The following DAB1 variants were observed in gnomAD, a reference collection of about 807,000 sequenced individuals.
The protein encoded by DAB1 is disabled homolog 1.
DAB1 carries 15 observed loss-of-function variants against 64.6 expected under a neutral mutation model. The observed-to-expected ratio is 0.23, with a 90% CI of 0.16 to 0.36. The LOEUF is 0.36. Among genes scored for constraint, DAB1 ranks in the 10% least tolerant of loss-of-function variants. DAB1 has a pLI of 1.00. For synonymous variants in DAB1, 235 were observed against 251.9 expected, an observed-to-expected ratio of 0.93 and a Z score of 0.64; for missense variants, 596 against 706.7, an observed-to-expected ratio of 0.84 and a Z score of 1.78.
At chr1:57,302,675 C>T (rs1453770829) in intron 1 of DAB1, among the ~76,000 whole-genome samples, 1 of 152,046 alleles carries the variant, frequency 6.6e-6, no homozygotes, top group Non-Finnish European at 1.5e-5. Flanking sequence ...ACAATCATAC[C>T]TTACTGCAGC....
chr1:58,439,681 G>T (rs1261134878), intron 3 of DAB1, among the ~76,000 whole-genome samples: 5 of 152,196 alleles, frequency 3.3e-5, no homozygotes, highest in Non-Finnish European at 2.9e-5. Flanking sequence ...GGCACAGAGA[G>T]ACTGAATAAT....
chr1:57,210,816 A>G (rs1006414543), intron 2 of DAB1, among the ~76,000 whole-genome samples: 1 of 152,256 alleles, frequency 6.6e-6, no homozygotes, highest in African/African-American at 2.4e-5. Flanking sequence ...AAAATTTAAA[A>G]ACGGGGCCAG....
intron 3 of DAB1, among the ~76,000 whole-genome samples, chr1:57,140,829 T>C (rs1658524029): frequency 6.6e-6 from 1 of 152,194 alleles, no homozygotes; most frequent in Admixed American, 6.5e-5. Flanking sequence ...AAGTAGGCAG[T>C]ATCTCGATGG....
chr1:57,807,653 G>T (rs12081493), intron 6 of DAB1, among the ~76,000 whole-genome samples: 10 of 151,564 alleles, frequency 6.6e-5, no homozygotes, highest in African/African-American at 2.4e-4. Flanking sequence ...CAAATTGTGT[G>T]GATCCACTTA....
Position 57,493,415 on chromosome 1 carries a change from C to T in DAB1, n.625+156177G>A, listed in dbSNP as rs3905062. On this transcript the variant is annotated intron_variant and non_coding_transcript_variant, in intron 7 of 20. Transcript: ENST00000485760. ...TTGTCCTTTTAAGTCTGGTTTACTT[C>T]ATTTATCATAATGCCTTCAAAGTTC... Among the ~76,000 whole-genome samples the T allele has an allele frequency of 9.5e-3, 1,450 of 152,248 alleles. 27 individuals are homozygous for T. The highest frequency in any genetic ancestry group is 0.033 in the African/African-American group (1,390 of 41,540).
At chr1:57,482,944 T>G (rs180676836) in intron 7 of DAB1, among the ~76,000 whole-genome samples, 2 of 152,308 alleles carry the variant, frequency 1.3e-5, no homozygotes, top group African/African-American at 4.8e-5. Context: ...GTGTAAGTGT[T>G]TTTCAGGAAG....
intron 3 of DAB1, among the ~76,000 whole-genome samples, chr1:58,449,555 T>G (rs1329400546): frequency 6.6e-6 from 1 of 152,190 alleles, no homozygotes; most frequent in Non-Finnish European, 1.5e-5. Context: ...CGTGCTCCAC[T>G]CTAGGATTGT....
intron 1 of DAB1, among the ~76,000 whole-genome samples, chr1:57,847,857 A>G (rs914079951): frequency 6.6e-6 from 1 of 152,212 alleles, no homozygotes; most frequent in Non-Finnish European, 1.5e-5. Context: ...ACTAAAAGCT[A>G]TATTAATTGA....
chr1:57,324,430 T>A (rs1197283945), intron 1 of DAB1, among the ~76,000 whole-genome samples: 2 of 152,188 alleles, frequency 1.3e-5, no homozygotes, highest in African/African-American at 4.8e-5. Flanking sequence ...TATTTTCCAA[T>A]TAGGTGAAGT....
At chr1:57,769,315 T>C (rs1649456086) in intron 6 of DAB1, among the ~76,000 whole-genome samples, 1 of 152,152 alleles carries the variant, frequency 6.6e-6, no homozygotes, top group Non-Finnish European at 1.5e-5. Flanking sequence ...CAACCACTAG[T>C]AGCCTTTCTA....
intron 5 of DAB1, among the ~76,000 whole-genome samples, chr1:58,005,065 T>A (rs114027698): frequency 0.12 from 18,600 of 152,122 alleles, 1,311 homozygotes; most frequent in East Asian, 0.22. Flanking sequence ...TGAGCTTGGG[T>A]GTCCCTCTTT....
At chr1:57,920,473 C>T (rs1298493004) in intron 5 of DAB1, among the ~76,000 whole-genome samples, 4 of 152,074 alleles carry the variant, frequency 2.6e-5, no homozygotes, top group African/African-American at 9.7e-5. Flanking sequence ...ACCACCACAC[C>T]TGACTAATGT....
At chr1:57,031,909 T>C (rs1646977067) in intron 9 of DAB1, among the ~76,000 whole-genome samples, 1 of 152,200 alleles carries the variant, frequency 6.6e-6, no homozygotes, top group African/African-American at 2.4e-5. Flanking sequence ...CCCTGGGCAT[T>C]TTCCAGGGGT....
At chr1:57,692,800 C>T (rs1380002567) in intron 6 of DAB1, among the ~76,000 whole-genome samples, 1 of 152,174 alleles carries the variant, frequency 6.6e-6, no homozygotes, top group Non-Finnish European at 1.5e-5. Flanking sequence ...GAAAGGAGGA[C>T]TCTGCACCTT....
chr1:58,405,037 C>T (rs1221485674), intron 3 of DAB1, among the ~76,000 whole-genome samples: 1 of 152,196 alleles, frequency 6.6e-6, no homozygotes, highest in Non-Finnish European at 1.5e-5. Context: ...TTCACACACA[C>T]CATCACATTT....
chr1:57,921,843 A>G (rs1569998056), intron 5 of DAB1, among the ~76,000 whole-genome samples: 1 of 152,190 alleles, frequency 6.6e-6, no homozygotes, highest in East Asian at 1.9e-4. Context: ...GCCTCTAAGG[A>G]CCCCAATGGC....
intron 4 of DAB1, among the ~76,000 whole-genome samples, chr1:58,267,866 C>T (rs17117229): frequency 0.022 from 3,358 of 152,204 alleles, 50 homozygotes; most frequent in East Asian, 0.041. Flanking sequence ...AGAAACCTTG[C>T]GTCCCCTTCT....
Position 57,176,974 on chromosome 1 carries a change from A to C in DAB1, c.68-31545T>G, listed in dbSNP as rs1297637173. On this transcript the variant is annotated intron_variant, in intron 2 of 14. Coordinates refer to ENST00000371236, the MANE Select transcript of DAB1 (RefSeq NM_001365792.1). Reference sequence around the variant, plus strand: ...AAAAAAAGAAGCAGCAGCAGATATAAAAAAAAAAAAAAAAAAAAGCCCTCA... The same window carrying C: ...AAAAAAAGAAGCAGCAGCAGATATACAAAAAAAAAAAAAAAAAAGCCCTCA... 5.7e-3 allele frequency among the ~76,000 whole-genome samples: 624 copies of C among 109,820 alleles called. 23 individuals carry two copies. The East Asian group carries it at 0.085, about 15-fold the overall frequency. The allele number at this position is 109,820 out of a possible 152,430, so 72.0% of individuals were successfully genotyped here.
At chr1:57,151,807 A>ATTT (rs34012935) in intron 2 of DAB1, among the ~76,000 whole-genome samples, 2,482 of 106,220 alleles carry the variant, frequency 0.023, 148 homozygotes, top group African/African-American at 0.086. Context: ...CTAATGTTTA[A>ATTT]TTTTTTTTTT....
Sources: gnomAD v4.1 joint callset for allele counts (sites outside exome capture counted in the v4.1 genomes callset) on GRCh38, gnomAD v4.1.1 for gene constraint, MANE v1.5 for transcripts, NCBI Gene and HGNC (gene_info 2026-07-23, HGNC 2026-07-21) for gene names.